The following TASP1 variants were observed in gnomAD, a reference collection of about 807,000 sequenced individuals.
The protein encoded by TASP1 is threonine aspartase 1.
Under a neutral mutation model 56.6 loss-of-function variants are expected in TASP1, and 16 were observed. That is an observed-to-expected ratio of 0.28 (90% confidence interval 0.19 to 0.43). TASP1 has a LOEUF of 0.43. Ranked by LOEUF, TASP1 falls within the 20% of genes least tolerant of loss-of-function variation. TASP1 has a pLI of 1.00. For synonymous variants in TASP1, 179 were observed against 184.2 expected, an observed-to-expected ratio of 0.97 and a Z score of 0.23; for missense variants, 393 against 511.6, an observed-to-expected ratio of 0.77 and a Z score of 2.24.
chr20:13,444,730 G>C (rs1214763071), intron 11 of TASP1, among the ~76,000 whole-genome samples: 1 of 152,104 alleles, frequency 6.6e-6, no homozygotes, highest in Non-Finnish European at 1.5e-5. Context: ...ATGGAATGAT[G>C]TTCACTACAC....
the TASP1 span, among the ~76,000 whole-genome samples, chr20:13,260,288 C>T: frequency 1.3e-5 from 2 of 152,160 alleles, no homozygotes; most frequent in African/African-American, 4.8e-5. Context: ...TCTAGTAGCA[C>T]ACAGAGCTGT....
the TASP1 span, among the ~76,000 whole-genome samples, chr20:13,322,500 C>T: frequency 3.3e-5 from 5 of 152,250 alleles, no homozygotes; most frequent in African/African-American, 7.2e-5. Context: ...CTGGACCAGA[C>T]GAGGTCCATA....
chr20:13,630,435 T>C (rs111401202), intron 1 of TASP1, among the ~76,000 whole-genome samples: 77 of 152,240 alleles, frequency 5.1e-4, no homozygotes, highest in African/African-American at 1.7e-3. Context: ...ACACCTGTAA[T>C]CCCAGCACTT....
the TASP1 span, chr20:13,126,502 AT>A: frequency 1.7e-5 from 25 of 1,456,376 alleles, no homozygotes; most frequent in Non-Finnish European, 2.3e-5. Flanking sequence ...GTCTTTTGCT[AT>A]GAGGATAGGG....
the TASP1 span, among the ~76,000 whole-genome samples, chr20:13,380,370 T>C: frequency 3.9e-5 from 6 of 152,196 alleles, no homozygotes; most frequent in Non-Finnish European, 8.8e-5. Context: ...GGAGGTCCAC[T>C]CCAGACCCTG....
the TASP1 span, among the ~76,000 whole-genome samples, chr20:13,314,602 GA>G: frequency 1.3e-5 from 2 of 152,020 alleles, no homozygotes; most frequent in African/African-American, 4.8e-5. Flanking sequence ...GTTACCAGTA[GA>G]AGTGCCTTGC....
At chr20:13,516,020 G>A (rs548847857) in intron 10 of TASP1, among the ~76,000 whole-genome samples, 66 of 152,118 alleles carry the variant, frequency 4.3e-4, no homozygotes, top group African/African-American at 1.5e-3. Context: ...CTAGCCAGTC[G>A]GCTCACTGAT....
intron 11 of TASP1, among the ~76,000 whole-genome samples, chr20:13,438,134 T>G (rs73610478): frequency 6.8e-6 from 1 of 147,890 alleles, no homozygotes; most frequent in African/African-American, 2.5e-5. Flanking sequence ...TGACTTTCTT[T>G]ACAGAATTGG....
chr20:13,184,302 A>G, the TASP1 span, among the ~76,000 whole-genome samples: 1 of 152,308 alleles, frequency 6.6e-6, no homozygotes, highest in East Asian at 1.9e-4. Flanking sequence ...TGAACTAACC[A>G]AAACAATGAA....
the TASP1 span, chr20:13,168,525 A>G: frequency 6.6e-6 from 1 of 152,132 alleles, no homozygotes; most frequent in Admixed American, 6.6e-5. Context: ...CTGCTCTTTA[A>G]AAAACAACCT....
At chr20:13,576,881 T>C (rs769567474) in intron 6 of TASP1, among the ~76,000 whole-genome samples, 2 of 152,190 alleles carry the variant, frequency 1.3e-5, no homozygotes, top group Non-Finnish European at 2.9e-5. Context: ...GTTTTCTCTT[T>C]GTAAAATATT....
At chr20:13,368,274 A>G in the TASP1 span, 1 of 152,330 alleles carries the variant, frequency 6.6e-6, no homozygotes, top group African/African-American at 2.4e-5. Flanking sequence ...TAATTAAATT[A>G]CTCACAGAAG....
the TASP1 span, among the ~76,000 whole-genome samples, chr20:13,292,814 A>G: frequency 2.6e-5 from 4 of 152,164 alleles, no homozygotes; most frequent in Non-Finnish European, 4.4e-5. Context: ...AAGAAAATCA[A>G]GAAATGGTGC....
the TASP1 span, among the ~76,000 whole-genome samples, chr20:13,149,313 A>G: frequency 1.8e-3 from 275 of 152,336 alleles, no homozygotes; most frequent in Middle Eastern, 6.8e-3. Context: ...CCATCCTAGC[A>G]TGGCTGTCCC....
the TASP1 span, among the ~76,000 whole-genome samples, chr20:13,131,902 T>C: frequency 6.6e-6 from 1 of 152,166 alleles, no homozygotes; most frequent in Non-Finnish European, 1.5e-5. Context: ...CTTCTCAGGA[T>C]GTGGTCCTCC....
At chr20:13,515,732 C>T (rs1236594269) in intron 10 of TASP1, among the ~76,000 whole-genome samples, 1 of 152,022 alleles carries the variant, frequency 6.6e-6, no homozygotes, top group Non-Finnish European at 1.5e-5. Flanking sequence ...GAAAGCAAAA[C>T]CCCGGAATTC....
intron 13 of TASP1, among the ~76,000 whole-genome samples, chr20:13,414,364 T>C (rs1568768104): frequency 6.6e-6 from 1 of 152,190 alleles, no homozygotes; most frequent in Non-Finnish European, 1.5e-5. Context: ...TCATTGGTGG[T>C]ATTAATTCTG....
At chr20:13,497,713 T>A (rs953459767) in intron 10 of TASP1, among the ~76,000 whole-genome samples, 3 of 152,142 alleles carry the variant, frequency 2.0e-5, no homozygotes, top group Non-Finnish European at 4.4e-5. Context: ...GCTGGAGGCA[T>A]CACACTATCT....
chr20:13,349,173 C>T, the TASP1 span, among the ~76,000 whole-genome samples: 1 of 152,186 alleles, frequency 6.6e-6, no homozygotes, highest in Non-Finnish European at 1.5e-5. Flanking sequence ...TCTTCCTTGG[C>T]TCTCTGGGCT....
Sources: allele counts gnomAD v4.1 joint callset (sites outside exome capture counted in the v4.1 genomes callset), GRCh38; gene constraint gnomAD v4.1.1; transcripts MANE v1.5; gene names NCBI Gene and HGNC (gene_info 2026-07-23, HGNC 2026-07-21).